The following DOCK9 variants were observed in gnomAD, a reference collection of about 807,000 sequenced individuals.
The protein encoded by DOCK9 is dedicator of cytokinesis 9.
A neutral mutation model predicts 263.3 loss-of-function variants in DOCK9; 89 were observed. The observed-to-expected ratio is 0.34, with a 90% CI of 0.28 to 0.40. The LOEUF (loss-of-function observed/expected upper bound fraction) is 0.40, where lower values mean the gene tolerates loss of function less well. Ranked by LOEUF, DOCK9 falls within the 10% of genes least tolerant of loss-of-function variation. The pLI is 1.00. For missense variants in DOCK9, 2,140 were observed against 2,603.4 expected (o/e 0.82, Z 3.87); for synonymous variants, 976 against 973.1 (o/e 1.00, Z -0.06).
chr13:99,058,418 T>C (rs1004119113), intron 1 of DOCK9, among the ~76,000 whole-genome samples: 3 of 152,128 alleles, frequency 2.0e-5, no homozygotes, highest in African/African-American at 4.8e-5. Context: ...CACCTCGGCC[T>C]CCCCAAGTGC....
intron 2 of DOCK9, among the ~76,000 whole-genome samples, chr13:98,941,049 C>G (rs2055754289): frequency 6.6e-6 from 1 of 152,136 alleles, no homozygotes; most frequent in Admixed American, 6.6e-5. Context: ...TCCAACAGTC[C>G]AGCAACATGG....
intron 15 of DOCK9, among the ~76,000 whole-genome samples, chr13:98,895,782 T>C (rs965461807): frequency 6.6e-6 from 1 of 152,230 alleles, no homozygotes; most frequent in Admixed American, 6.5e-5. Flanking sequence ...ACATGTATTA[T>C]GTTTGTAAAC....
intron 45 of DOCK9, among the ~76,000 whole-genome samples, chr13:98,814,546 C>T (rs2091631309): frequency 6.6e-6 from 1 of 151,978 alleles, no homozygotes; most frequent in Admixed American, 6.6e-5. Context: ...GCTGGGATTA[C>T]AGGGGTGTGC....
At chr13:98,797,652 G>A (rs2089597408) in intron 50 of DOCK9, among the ~76,000 whole-genome samples, 163 bp from the exon 51 acceptor site, 1 of 152,166 alleles carries the variant, frequency 6.6e-6, no homozygotes, top group Non-Finnish European at 1.5e-5. Flanking sequence ...AGTTCACTCT[G>A]TTGCACACCA....
chr13:99,013,152 G>A (rs1884807493), intron 1 of DOCK9, among the ~76,000 whole-genome samples: 1 of 151,974 alleles, frequency 6.6e-6, no homozygotes, highest in Non-Finnish European at 1.5e-5. Context: ...TTCCCAGGCT[G>A]GAGTGCAGTG....
intron 30 of DOCK9, 68 bp from the exon 31 acceptor site, chr13:98,863,616 A>C: frequency 6.7e-7 from 1 of 1,483,714 alleles, no homozygotes. Flanking sequence ...ACAAACAAAC[A>C]AACAAACAAA....
At chr13:98,867,601 C>G in intron 29 of DOCK9, 65 bp from the exon 30 acceptor site, 2 of 1,067,324 alleles carry the variant, frequency 1.9e-6, no homozygotes, top group Non-Finnish European at 2.8e-6. Context: ...TCTAAAAAAC[C>G]TATTAGCAAT....
chr13:98,981,576 G>A (rs967705935), upstream of DOCK9, among the ~76,000 whole-genome samples: 6 of 152,196 alleles, frequency 3.9e-5, no homozygotes, highest in African/African-American at 1.4e-4. Flanking sequence ...CCGCCTTCCA[G>A]CTGGCCCACC....
intron 48 of DOCK9, among the ~76,000 whole-genome samples, chr13:98,806,441 C>A (rs2090717791): frequency 6.6e-6 from 1 of 151,932 alleles, no homozygotes; most frequent in Non-Finnish European, 1.5e-5. Flanking sequence ...CCTTCTAGAG[C>A]AATAAAAAGG....
Position 98,863,151 on chromosome 13 carries a change from T to C in DOCK9, c.3466-19A>G. ...GATGGCTCTGAAAAGAAGACACACATGGTAAGTTTGACCCAGGATTCTGAG... is the reference window on the plus strand; with the variant it reads ...GATGGCTCTGAAAAGAAGACACACACGGTAAGTTTGACCCAGGATTCTGAG... On this transcript the variant is annotated intron_variant, in intron 31 of 52. Coordinates refer to ENST00000682017, the MANE Select transcript of DOCK9 (RefSeq NM_001366683.2). 1 of 1,585,364 alleles carries C rather than the reference T, an allele frequency of 6.3e-7. No homozygotes were observed. The highest frequency in any genetic ancestry group is 1.1e-5 in the South Asian group (1 of 87,248).
intron 1 of DOCK9, among the ~76,000 whole-genome samples, chr13:99,020,480 T>G (rs953567212): frequency 2.0e-5 from 3 of 152,114 alleles, no homozygotes; most frequent in Admixed American, 2.0e-4. Context: ...GCCAGCCCAC[T>G]TGGTGGTCAT....
chr13:98,923,891 A>G (rs895226013), intron 4 of DOCK9, among the ~76,000 whole-genome samples: 5 of 152,202 alleles, frequency 3.3e-5, no homozygotes, highest in Admixed American at 2.0e-4. Context: ...GCCATTTAAC[A>G]GATGAGGAAA....
intron 1 of DOCK9, among the ~76,000 whole-genome samples, chr13:99,055,024 T>C (rs972530634): frequency 2.0e-5 from 3 of 152,212 alleles, no homozygotes; most frequent in Admixed American, 6.5e-5. Flanking sequence ...AGGGAAAGAA[T>C]TGCCTCATCC....
chr13:98,863,149 C>G lies in DOCK9; in HGVS notation c.3466-17G>C. On this transcript the variant is annotated splice_polypyrimidine_tract_variant and intron_variant, in intron 31 of 52. Transcript: ENST00000682017. Reference sequence around the variant, plus strand: ...CTGATGGCTCTGAAAAGAAGACACACATGGTAAGTTTGACCCAGGATTCTG... The same window carrying G: ...CTGATGGCTCTGAAAAGAAGACACAGATGGTAAGTTTGACCCAGGATTCTG... 1 of 1,588,638 alleles carries G rather than the reference C, an allele frequency of 6.3e-7. No individual in the cohort carries two copies. Among genetic ancestry groups the G allele is most frequent in the Non-Finnish European group, 8.6e-7 (1 of 1,165,926 alleles).
At chr13:98,954,863 TACAC>T (rs71719426) in intron 2 of DOCK9, among the ~76,000 whole-genome samples, 3,749 of 146,532 alleles carry the variant, frequency 0.026, 70 homozygotes, top group Admixed American at 0.038. Flanking sequence ...TTATTCAAGA[TACAC>T]ACACACACAC....
At chr13:98,869,147 G>A (rs139568875) in intron 27 of DOCK9, among the ~76,000 whole-genome samples, 1 of 152,320 alleles carries the variant, frequency 6.6e-6, no homozygotes, top group Non-Finnish European at 1.5e-5. Flanking sequence ...TGCATGATTA[G>A]TTAAAACTGC....
At chr13:98,879,685 G>A (rs1478355825) in intron 27 of DOCK9, among the ~76,000 whole-genome samples, 8 of 152,184 alleles carry the variant, frequency 5.3e-5, no homozygotes, top group Non-Finnish European at 1.0e-4. Context: ...AGTAACTCAA[G>A]CATGCTGGCC....
intron 7 of DOCK9, among the ~76,000 whole-genome samples, chr13:98,920,120 C>T (rs1426171797): frequency 6.6e-6 from 1 of 152,150 alleles, no homozygotes; most frequent in Admixed American, 6.5e-5. Context: ...CAGAAGGATG[C>T]ATGCAAAACT....
chr13:98,845,680 A>T (rs9517463), intron 38 of DOCK9, among the ~76,000 whole-genome samples: 2,321 of 152,298 alleles, frequency 0.015, 39 homozygotes, highest in South Asian at 0.07. Context: ...TGTTTTAGGG[A>T]TGCAGAAAGG....
Sources: gnomAD v4.1 joint callset for allele counts (sites outside exome capture counted in the v4.1 genomes callset) on GRCh38, gnomAD v4.1.1 for gene constraint, MANE v1.5 for transcripts, NCBI Gene and HGNC (gene_info 2026-07-23, HGNC 2026-07-21) for gene names.